Variants in RBFOX1 observed in about 807,000 individuals in gnomAD.
RBFOX1 encodes RNA binding fox-1 homolog 1.
RBFOX1 carries 8 observed loss-of-function variants against 57.7 expected under a neutral mutation model. The observed-to-expected ratio is 0.14, with a 90% CI of 0.08 to 0.25. The LOEUF (loss-of-function observed/expected upper bound fraction) is 0.25, where lower values mean the gene tolerates loss of function less well. Among genes scored for constraint, RBFOX1 ranks in the 10% least tolerant of loss-of-function variants. RBFOX1 has a pLI of 1.00. For synonymous variants in RBFOX1, 326 were observed against 222.4 expected (o/e 1.47, Z -4.15); for missense variants, 611 against 548.5 (o/e 1.11, Z -1.14).
chr16:6,227,443 C>G (rs945263623), intron 1 of RBFOX1, among the ~76,000 whole-genome samples: 1 of 152,136 alleles, frequency 6.6e-6, no homozygotes, highest in Non-Finnish European at 1.5e-5. Context: ...AGAGCAAAAA[C>G]AAACAACAGT....
At chr16:5,542,025 C>G (rs1486269632) in intron 2 of RBFOX1, among the ~76,000 whole-genome samples, 1 of 152,042 alleles carries the variant, frequency 6.6e-6, no homozygotes, top group African/African-American at 2.4e-5. Flanking sequence ...TGTTCACTTG[C>G]GATCAAAATA....
intron 12 of RBFOX1, among the ~76,000 whole-genome samples, chr16:7,661,878 A>G (rs971525668): frequency 2.6e-5 from 4 of 152,214 alleles, no homozygotes; most frequent in African/African-American, 7.2e-5. Flanking sequence ...AGTGGAGGAC[A>G]AAGCATGGCA....
intron 3 of RBFOX1, among the ~76,000 whole-genome samples, chr16:6,716,613 C>T (rs2064874686): frequency 1.3e-5 from 2 of 152,216 alleles, no homozygotes; most frequent in East Asian, 1.9e-4. Flanking sequence ...GTCCTTCTTA[C>T]AGACAGGACT....
chr16:6,556,117 AT>A (rs2097094743), intron 2 of RBFOX1, among the ~76,000 whole-genome samples: 1 of 152,176 alleles, frequency 6.6e-6, no homozygotes, highest in African/African-American at 2.4e-5. Context: ...AACTCAGGAC[AT>A]TTAATTTATC....
intron 1 of RBFOX1, among the ~76,000 whole-genome samples, chr16:5,299,597 C>A (rs2063755202): frequency 6.6e-6 from 1 of 152,116 alleles, no homozygotes; most frequent in Non-Finnish European, 1.5e-5. Flanking sequence ...TCTGCCCTTG[C>A]CATTATTTTT....
At chr16:5,255,424 C>T (rs1181447087) in intron 1 of RBFOX1, among the ~76,000 whole-genome samples, 4 of 149,304 alleles carry the variant, frequency 2.7e-5, no homozygotes, top group Admixed American at 6.7e-5. Flanking sequence ...ATCTATCCAC[C>T]CACCCACCCA....
At chr16:7,616,466 G>C (rs139974360) in intron 10 of RBFOX1, among the ~76,000 whole-genome samples, 66 of 152,338 alleles carry the variant, frequency 4.3e-4, no homozygotes, top group African/African-American at 1.5e-3. Context: ...CCCATGCTAT[G>C]GAGGTGTGAG....
At chr16:7,473,442 T>C (rs546969426) in intron 4 of RBFOX1, among the ~76,000 whole-genome samples, 1 of 148,170 alleles carries the variant, frequency 6.7e-6, no homozygotes, top group East Asian at 1.9e-4. Context: ...ATATATATTT[T>C]ATACATTATG....
intron 3 of RBFOX1, among the ~76,000 whole-genome samples, chr16:6,705,786 G>A (rs1248037999): frequency 6.6e-6 from 1 of 152,150 alleles, no homozygotes; most frequent in Non-Finnish European, 1.5e-5. Context: ...GGGAGCCCGA[G>A]GCAGGCAGAT....
chr16:6,713,131 G>A (rs1257442997), intron 3 of RBFOX1, among the ~76,000 whole-genome samples: 1 of 151,940 alleles, frequency 6.6e-6, no homozygotes. Flanking sequence ...ATTTCTTACA[G>A]CAGTGTGTGA....
chr16:6,977,944 A>AT lies in RBFOX1; in HGVS notation c.-15-74113_-15-74112insT, dbSNP rs1256750276. Among the ~76,000 whole-genome samples the AT allele has an allele frequency of 4.5e-4, 55 of 123,224 alleles. 1 individual carries two copies. The highest frequency in any genetic ancestry group is 3.4e-3 in the South Asian group (13 of 3,842). 80.8% of individuals were successfully genotyped at this position (123,224 alleles called of 152,430 possible). ...TCTTCCAGCCTCCCCAGGGAAAAAA[A>AT]AAAAAAAGGCAAACCTCCTTTCCCA... is the stretch of plus-strand genomic sequence containing the variant. On this transcript the variant is annotated intron_variant, in intron 3 of 15. Coordinates refer to ENST00000550418, the MANE Select transcript of RBFOX1 (RefSeq NM_018723.4).
At chr16:5,895,005 A>C (rs1163350036) in intron 4 of RBFOX1, among the ~76,000 whole-genome samples, 1 of 151,260 alleles carries the variant, frequency 6.6e-6, no homozygotes, top group Non-Finnish European at 1.5e-5. Context: ...CCTGGGCAAC[A>C]GAGTGAGACT....
chr16:7,688,260 T>TGTGTGTGTGAGAGAGAGAGAGA (rs1319185243), intron 14 of RBFOX1, among the ~76,000 whole-genome samples: 1 of 125,296 alleles, frequency 8.0e-6, no homozygotes, highest in African/African-American at 3.0e-5. Flanking sequence ...TGTGTGTGTG[T>TGTGTGTGTGAGAGAGAGAGAGA]GAGAGAGAGA....
intron 3 of RBFOX1, among the ~76,000 whole-genome samples, chr16:7,043,935 C>T (rs1357648276): frequency 1.3e-5 from 2 of 152,084 alleles, no homozygotes; most frequent in Non-Finnish European, 2.9e-5. Context: ...AAAACAAAAA[C>T]AAACAAAATA....
In RBFOX1 at chr16:6,859,181, A is replaced by ACG. The variant is rs1202290774; in HGVS notation, c.-15-192876_-15-192875insCG. 2.7e-4 allele frequency among the ~76,000 whole-genome samples: 23 copies of ACG among 83,642 alleles called. 1 individual carries two copies. The highest frequency in any genetic ancestry group is 1.1e-3 in the African/African-American group (22 of 19,522). The allele number at this position is 83,642 out of a possible 152,430, so 54.9% of individuals were successfully genotyped here. ...TATATATACGTATATATATGTATAT[A>ACG]TATGTATATATATATGTATATATAT... On this transcript the variant is annotated intron_variant, in intron 3 of 15. Coordinates refer to ENST00000550418, the MANE Select transcript of RBFOX1 (RefSeq NM_018723.4).
intron 1 of RBFOX1, among the ~76,000 whole-genome samples, chr16:6,282,312 C>T (rs947186833): frequency 1.3e-5 from 2 of 150,366 alleles, no homozygotes; most frequent in Non-Finnish European, 2.9e-5. Context: ...AGTTTGACAC[C>T]TAGCTATGGC....
At chr16:6,796,576 C>A (rs1005294386) in intron 3 of RBFOX1, among the ~76,000 whole-genome samples, 1 of 152,122 alleles carries the variant, frequency 6.6e-6, no homozygotes, top group Non-Finnish European at 1.5e-5. Context: ...TATCTACTTC[C>A]TTCTACCCTT....
chr16:7,518,582 C>A (rs1321194554), intron 5 of RBFOX1, among the ~76,000 whole-genome samples, 193 bp downstream of exon 5: 1 of 152,194 alleles, frequency 6.6e-6, no homozygotes. Flanking sequence ...TCATTTAAAT[C>A]AACGGATTAT....
intron 4 of RBFOX1, among the ~76,000 whole-genome samples, chr16:7,251,883 T>C (rs1162699139): frequency 2.0e-5 from 3 of 152,248 alleles, no homozygotes; most frequent in Non-Finnish European, 4.4e-5. Flanking sequence ...ATGGTAGTTC[T>C]ATTTTTAATT....
Sources: gnomAD v4.1 joint callset for allele counts (sites outside exome capture counted in the v4.1 genomes callset) on GRCh38, gnomAD v4.1.1 for gene constraint, MANE v1.5 for transcripts, NCBI Gene and HGNC (gene_info 2026-07-23, HGNC 2026-07-21) for gene names.